CHSY3: variants seen among roughly 807,000 people sequenced by gnomAD.
CHSY3 encodes chondroitin sulfate synthase 3, also known as N-acetylgalactosaminyl-proteoglycan 3-beta-glucuronosyltransferase 3.
Under a neutral mutation model 67.2 loss-of-function variants are expected in CHSY3, and 35 were observed. The observed-to-expected ratio is 0.52, with a 90% confidence interval of 0.40 to 0.69. The LOEUF is 0.69. Ranked by LOEUF, CHSY3 falls within the 30% of genes least tolerant of loss-of-function variation. CHSY3 has a pLI of 0.00. For missense variants in CHSY3, 1,069 were observed against 1,138.5 expected (o/e 0.94, Z 0.88); for synonymous variants, 474 against 434.7 (o/e 1.09, Z -1.12).
chr5:130,006,247 G>A lies in CHSY3; in HGVS notation c.1086+97887G>A, dbSNP rs141068589. ...GGTAAAGTTGTGGCGTTAGGAATTT[G>A]CCTGGAATGGTTAGAATGGCCTGCA... On this transcript the variant is annotated intron_variant, in intron 2 of 2. Coordinates refer to ENST00000305031, the MANE Select transcript of CHSY3 (RefSeq NM_175856.5). Among the ~76,000 whole-genome samples, 210 of 152,228 alleles carry A rather than the reference G, an allele frequency of 1.4e-3. 1 individual carries two copies. The highest frequency in any genetic ancestry group is 5.8e-4 in the East Asian group (3 of 5,162).
At chr5:130,113,347 C>T (rs1209893916) in intron 2 of CHSY3, among the ~76,000 whole-genome samples, 3 of 152,076 alleles carry the variant, frequency 2.0e-5, no homozygotes, top group Non-Finnish European at 4.4e-5. Context: ...TTGTCAAATA[C>T]AAGTGTATAT....
intron 2 of CHSY3, among the ~76,000 whole-genome samples, chr5:130,008,075 C>G (rs1415638757): frequency 6.6e-6 from 1 of 152,218 alleles, no homozygotes; most frequent in African/African-American, 2.4e-5. Flanking sequence ...GCATCGCCCA[C>G]CAGTTTGCCA....
intron 2 of CHSY3, among the ~76,000 whole-genome samples, chr5:130,047,232 A>G (rs1765180151): frequency 6.6e-6 from 1 of 152,104 alleles, no homozygotes; most frequent in East Asian, 1.9e-4. Context: ...TAATGTATTG[A>G]AATGACTTTA....
intron 2 of CHSY3, among the ~76,000 whole-genome samples, chr5:129,931,530 T>C (rs546038144): frequency 6.6e-6 from 1 of 152,182 alleles, no homozygotes; most frequent in South Asian, 2.1e-4. Flanking sequence ...TGGCAGTTAA[T>C]AATGTATTTT....
chr5:130,073,945 T>G (rs1766172005), intron 2 of CHSY3, among the ~76,000 whole-genome samples: 1 of 152,186 alleles, frequency 6.6e-6, no homozygotes, highest in African/African-American at 2.4e-5. Flanking sequence ...AGCGATATTC[T>G]TCCAAGTGGG....
chr5:129,908,716 T>C (rs1360485040), intron 2 of CHSY3, among the ~76,000 whole-genome samples: 1 of 152,200 alleles, frequency 6.6e-6, no homozygotes, highest in Non-Finnish European at 1.5e-5. Flanking sequence ...GCTGTAGCCT[T>C]TAGCATTTGG....
At chr5:130,024,501 C>T (rs1428943921) in intron 2 of CHSY3, among the ~76,000 whole-genome samples, 3 of 152,066 alleles carry the variant, frequency 2.0e-5, no homozygotes, top group Non-Finnish European at 4.4e-5. Flanking sequence ...GACTCTGACC[C>T]TGACTTTCTG....
chr5:130,051,905 A>G (rs1765369628), intron 2 of CHSY3, among the ~76,000 whole-genome samples: 1 of 151,468 alleles, frequency 6.6e-6, no homozygotes. Flanking sequence ...ATTCAGTAGT[A>G]GAATTGGGAA....
chr5:130,020,451 A>T (rs1580656502), intron 2 of CHSY3, among the ~76,000 whole-genome samples: 5 of 13,892 alleles, frequency 3.6e-4, no homozygotes, highest in African/African-American at 9.3e-4. Context: ...ATATATATAT[A>T]TATATATATA....
At chr5:130,158,835 T>A (rs552152698) in intron 2 of CHSY3, among the ~76,000 whole-genome samples, 8 of 152,320 alleles carry the variant, frequency 5.3e-5, no homozygotes, top group African/African-American at 1.9e-4. Flanking sequence ...GATCTCCATC[T>A]GTTGGCCAAG....
chr5:130,167,050 C>T (rs187520400), intron 2 of CHSY3, among the ~76,000 whole-genome samples: 2 of 152,020 alleles, frequency 1.3e-5, no homozygotes, highest in East Asian at 1.9e-4. Context: ...GAACTCAATT[C>T]CCACTGAAAC....
intron 2 of CHSY3, among the ~76,000 whole-genome samples, chr5:130,108,571 T>A (rs1256064516): frequency 1.3e-5 from 2 of 151,740 alleles, no homozygotes; most frequent in African/African-American, 4.8e-5. Context: ...TGTAATGCTT[T>A]GTCAAAAAGT....
chr5:130,098,763 T>G (rs1256962205), intron 2 of CHSY3, among the ~76,000 whole-genome samples: 1 of 152,198 alleles, frequency 6.6e-6, no homozygotes, highest in Non-Finnish European at 1.5e-5. Context: ...CATAGAAGGT[T>G]CTTGACCAAA....
At chr5:129,926,761 A>G (rs1300915372) in intron 2 of CHSY3, among the ~76,000 whole-genome samples, 1 of 151,816 alleles carries the variant, frequency 6.6e-6, no homozygotes, top group African/African-American at 2.4e-5. Context: ...GACATATTTT[A>G]TAGTTTTGTT....
At position 129,955,168 on chromosome 5, in the gene CHSY3, A is replaced by AT. The variant is rs1010762259; in HGVS notation, c.1086+46816dup. On this transcript the variant is annotated intron_variant, in intron 2 of 2. Coordinates refer to ENST00000305031, the MANE Select transcript of CHSY3 (RefSeq NM_175856.5). ...AGGCGTGAGCCACTGCGCCTGGCCCATTTTTTTTAAATGACTCTTTTGGAG... is the reference window on the plus strand; with the variant it reads ...AGGCGTGAGCCACTGCGCCTGGCCCATTTTTTTTTAAATGACTCTTTTGGAG... Among the ~76,000 whole-genome samples, 27 of 151,912 alleles carry AT rather than the reference A, an allele frequency of 1.8e-4. 1 individual carries two copies. Among genetic ancestry groups the AT allele is most frequent in the Admixed American group, 7.9e-4 (12 of 15,254 alleles).
chr5:129,946,777 T>C (rs1004167565), intron 2 of CHSY3, among the ~76,000 whole-genome samples: 6 of 152,216 alleles, frequency 3.9e-5, no homozygotes, highest in African/African-American at 1.4e-4. Flanking sequence ...TTTTTAAGGC[T>C]AAATAACATT....
Position 129,961,633 on chromosome 5 carries a change from T to C in CHSY3, c.1086+53273T>C, listed in dbSNP as rs980332814. Among the ~76,000 whole-genome samples, 3 of 151,464 alleles carry C rather than the reference T, an allele frequency of 2.0e-5. No individual in the cohort carries two copies. In the East Asian group the frequency reaches 5.9e-4, roughly 30 times the overall value. On this transcript the variant is annotated intron_variant, in intron 2 of 2. Transcript: ENST00000305031. Reference sequence around the variant, plus strand: ...AGATAACCCCTTCTCTGATCACACATTTTTTTTTCTTTGAGCATAATTATT... The same window carrying C: ...AGATAACCCCTTCTCTGATCACACACTTTTTTTTCTTTGAGCATAATTATT...
intron 2 of CHSY3, among the ~76,000 whole-genome samples, chr5:129,994,649 G>T (rs959551514): frequency 6.6e-6 from 1 of 152,002 alleles, no homozygotes; most frequent in African/African-American, 2.4e-5. Flanking sequence ...AACCAACCCA[G>T]ATGTCCAACA....
At chr5:130,000,949 G>C (rs1301606644) in intron 2 of CHSY3, among the ~76,000 whole-genome samples, 1 of 149,370 alleles carries the variant, frequency 6.7e-6, no homozygotes, top group Non-Finnish European at 1.5e-5. Context: ...ATTGTGCAGT[G>C]GAGCAATCTC....
Sources: allele counts gnomAD v4.1 joint callset (sites outside exome capture counted in the v4.1 genomes callset), GRCh38; gene constraint gnomAD v4.1.1; transcripts MANE v1.5; gene names NCBI Gene and HGNC (gene_info 2026-07-23, HGNC 2026-07-21).